FIRRM: variants seen among roughly 807,000 people sequenced by gnomAD.
FIRRM encodes FIGNL1 interacting regulator of recombination and mitosis, also known as FIGNL1-interacting regulator of recombination and mitosis.
chr1:169,820,428 G>A, the FIRRM span, among the ~76,000 whole-genome samples: 7 of 152,142 alleles, frequency 4.6e-5, no homozygotes, highest in Non-Finnish European at 8.8e-5. Context: ...GTCACCCACA[G>A]CCGTCAGCAG....
At chr1:169,837,076 G>A in the FIRRM span, 17 of 1,597,180 alleles carry the variant, frequency 1.1e-5, no homozygotes, top group South Asian at 1.8e-4. Flanking sequence ...GGAAATGGCT[G>A]AGCAGGAGTC....
At chr1:169,818,327 A>C in the FIRRM span, among the ~76,000 whole-genome samples, 1 of 152,356 alleles carries the variant, frequency 6.6e-6, no homozygotes, top group East Asian at 1.9e-4. Flanking sequence ...CTAACACCAC[A>C]TGTCCCCAGG....
the FIRRM span, chr1:169,807,702 A>T: frequency 1.7e-6 from 2 of 1,184,412 alleles, no homozygotes; most frequent in Non-Finnish European, 2.3e-6. Flanking sequence ...GTTTTTTTAA[A>T]TGTTCTACAA....
the FIRRM span, chr1:169,827,599 C>G: frequency 8.5e-7 from 1 of 1,179,540 alleles, no homozygotes; most frequent in African/African-American, 1.5e-5. Flanking sequence ...GATTACACCA[C>G]TGCACTCCAG....
chr1:169,794,399 G>C, the FIRRM span, among the ~76,000 whole-genome samples: 1 of 152,168 alleles, frequency 6.6e-6, no homozygotes, highest in Non-Finnish European at 1.5e-5. Context: ...ATTTAGTCGA[G>C]AACAGCAGCC....
chr1:169,815,024 G>A, the FIRRM span, among the ~76,000 whole-genome samples: 61 of 151,684 alleles, frequency 4.0e-4, no homozygotes, highest in Non-Finnish European at 1.6e-4. Flanking sequence ...AAGGCCAGGC[G>A]CGGTGGCTCA....
At chr1:169,792,648 T>G in the FIRRM span, 73 of 1,609,614 alleles carry the variant, frequency 4.5e-5, no homozygotes, top group Non-Finnish European at 5.9e-5. Flanking sequence ...TTGAGTATTC[T>G]GGTCTTAAAA....
chr1:169,822,099 A>G, the FIRRM span, among the ~76,000 whole-genome samples: 15 of 152,362 alleles, frequency 9.8e-5, no homozygotes, highest in East Asian at 1.5e-3. Context: ...TTGCTTCCCT[A>G]CACACCAAGT....
chr1:169,842,901 T>C, the FIRRM span, among the ~76,000 whole-genome samples: 1 of 152,088 alleles, frequency 6.6e-6, no homozygotes, highest in African/African-American at 2.4e-5. Flanking sequence ...CAATGGAGAG[T>C]GAGCTGACTT....
At chr1:169,818,121 A>C in the FIRRM span, among the ~76,000 whole-genome samples, 2 of 152,184 alleles carry the variant, frequency 1.3e-5, no homozygotes, top group Non-Finnish European at 2.9e-5. Flanking sequence ...CACTTTCCTT[A>C]CATACCTGTA....
chr1:169,816,211 A>G, the FIRRM span, among the ~76,000 whole-genome samples: 2 of 152,096 alleles, frequency 1.3e-5, no homozygotes. Context: ...GAACTGGGCA[A>G]CTGTTGGAAA....
the FIRRM span, among the ~76,000 whole-genome samples, chr1:169,820,667 C>T: frequency 1.3e-5 from 2 of 152,158 alleles, no homozygotes; most frequent in East Asian, 1.9e-4. Context: ...CTCTAACTCC[C>T]GTAAGTTAGG....
chr1:169,832,544 C>T, the FIRRM span: 3 of 1,470,096 alleles, frequency 2.0e-6, no homozygotes, highest in East Asian at 6.8e-5. Context: ...GTCTGTGAAG[C>T]TGCTCAGAGT....
chr1:169,821,550 T>A, the FIRRM span: 50 of 542,376 alleles, frequency 9.2e-5, 1 homozygote, highest in East Asian at 1.6e-3. Flanking sequence ...CTCGGAAAAA[T>A]TTTATACTGT....
At chr1:169,803,309 G>A in the FIRRM span, 1 of 1,613,086 alleles carries the variant, frequency 6.2e-7, no homozygotes, top group African/African-American at 1.3e-5. Context: ...TGCATTGTAA[G>A]GTGAGTAAAG....
chr1:169,798,445 T>A, the FIRRM span, among the ~76,000 whole-genome samples: 1 of 152,060 alleles, frequency 6.6e-6, no homozygotes, highest in South Asian at 2.1e-4. Context: ...TTATTTTGTA[T>A]TTTAAGTAGA....
At chr1:169,851,056 T>C in the FIRRM span, 2 of 78,218 alleles carry the variant, frequency 2.6e-5, no homozygotes, top group Non-Finnish European at 5.2e-5. Flanking sequence ...TTTTTTTTTT[T>C]TTTTTTTTTT....
At chr1:169,847,249 T>C in the FIRRM span, among the ~76,000 whole-genome samples, 2 of 142,660 alleles carry the variant, frequency 1.4e-5, no homozygotes, top group Non-Finnish European at 3.0e-5. Context: ...AGTGAACACA[T>C]GCTGTTGCAG....
the FIRRM span, chr1:169,850,282 G>T: frequency 3.1e-6 from 5 of 1,609,984 alleles, no homozygotes; most frequent in South Asian, 4.4e-5. Flanking sequence ...ATCATGAAGA[G>T]ATAGTTCCAC....
Sources: allele counts gnomAD v4.1 joint callset (sites outside exome capture counted in the v4.1 genomes callset), GRCh38; gene constraint gnomAD v4.1.1; transcripts MANE v1.5; gene names NCBI Gene and HGNC (gene_info 2026-07-23, HGNC 2026-07-21).